The following PDE11A variants were observed in gnomAD, a reference collection of about 807,000 sequenced individuals.
PDE11A encodes the protein phosphodiesterase 11A.
Under a neutral mutation model 100.5 loss-of-function variants are expected in PDE11A, and 100 were observed. The ratio of observed to expected loss-of-function variants is 1.00; its 90% CI spans 0.85 to 1.18. The LOEUF (loss-of-function observed/expected upper bound fraction) is 1.18, where lower values mean the gene tolerates loss of function less well. Ranked by LOEUF, PDE11A falls within the 50% of genes most tolerant of loss-of-function variation. The pLI is 0.00. For synonymous variants in PDE11A, 381 were observed against 420.8 expected, an observed-to-expected ratio of 0.91 and a Z score of 1.16; for missense variants, 1,141 against 1,152.6, an observed-to-expected ratio of 0.99 and a Z score of 0.15.
chr2:177,887,666 A>G (rs536533628), intron 4 of PDE11A, among the ~76,000 whole-genome samples: 1 of 152,234 alleles, frequency 6.6e-6, no homozygotes, highest in East Asian at 1.9e-4. Context: ...AGGTGGGAGG[A>G]TCACTTGAGC....
At chr2:178,053,648 T>TAAGC (rs2086857664) in intron 1 of PDE11A, among the ~76,000 whole-genome samples, 1 of 151,818 alleles carries the variant, frequency 6.6e-6, no homozygotes, top group Non-Finnish European at 1.5e-5. Context: ...CTTAAGCTGA[T>TAAGC]AAGCAACTTC....
At chr2:177,958,689 A>C (rs1489385123) in intron 2 of PDE11A, among the ~76,000 whole-genome samples, 1 of 152,242 alleles carries the variant, frequency 6.6e-6, no homozygotes, top group Admixed American at 6.5e-5. Context: ...AGGAACGGAC[A>C]TAATTCCTTA....
At chr2:177,989,392 A>C (rs1177021482) in intron 2 of PDE11A, among the ~76,000 whole-genome samples, 1 of 152,228 alleles carries the variant, frequency 6.6e-6, no homozygotes, top group Non-Finnish European at 1.5e-5. Flanking sequence ...TCATACTCAG[A>C]GGCGAGCTAC....
At chr2:178,002,713 G>A (rs2086160253) in intron 2 of PDE11A, among the ~76,000 whole-genome samples, 1 of 152,082 alleles carries the variant, frequency 6.6e-6, no homozygotes, top group Non-Finnish European at 1.5e-5. Context: ...TAGACCAATG[G>A]TTGATTAATT....
At chr2:177,825,010 G>A (rs1193510559) in intron 6 of PDE11A, among the ~76,000 whole-genome samples, 1 of 152,126 alleles carries the variant, frequency 6.6e-6, no homozygotes, top group Non-Finnish European at 1.5e-5. Flanking sequence ...TTGTCCATAA[G>A]GGAAGAAGTT....
chr2:177,813,704 G>A (rs946034795), intron 9 of PDE11A, among the ~76,000 whole-genome samples: 25 of 152,052 alleles, frequency 1.6e-4, no homozygotes, highest in African/African-American at 5.8e-4. Context: ...AGCAAGACAT[G>A]TATTCCCATT....
intron 1 of PDE11A, among the ~76,000 whole-genome samples, chr2:178,030,331 T>A (rs1236760451): frequency 6.6e-6 from 1 of 152,026 alleles, no homozygotes; most frequent in Non-Finnish European, 1.5e-5. Context: ...AAAAAATCTT[T>A]CAAAAAACTA....
At chr2:177,968,973 G>A (rs1161481808) in intron 2 of PDE11A, among the ~76,000 whole-genome samples, 2 of 152,226 alleles carry the variant, frequency 1.3e-5, no homozygotes, top group African/African-American at 4.8e-5. Flanking sequence ...ACACATGTAT[G>A]TTTATTGCAA....
At chr2:177,692,965 C>T (rs1296060047) in intron 15 of PDE11A, among the ~76,000 whole-genome samples, 1 of 152,182 alleles carries the variant, frequency 6.6e-6, no homozygotes, top group African/African-American at 2.4e-5. Flanking sequence ...CAGGGCTCTA[C>T]CCTGCCCAGC....
chr2:177,877,181 T>G (rs1352994963), intron 4 of PDE11A, among the ~76,000 whole-genome samples: 1 of 146,438 alleles, frequency 6.8e-6, no homozygotes, highest in Non-Finnish European at 1.5e-5. Flanking sequence ...TTTTTTTTTT[T>G]TTGGACAGGT....
At chr2:177,739,658 A>G (rs1385749596) in intron 10 of PDE11A, among the ~76,000 whole-genome samples, 1 of 152,234 alleles carries the variant, frequency 6.6e-6, no homozygotes, top group East Asian at 1.9e-4. Flanking sequence ...GAAATGAAGC[A>G]TCTCTCTGCT....
chr2:178,028,017 GA>G lies in PDE11A; in HGVS notation c.913-13558del, dbSNP rs1374439861. On this transcript the variant is annotated intron_variant, in intron 1 of 19. Transcript: ENST00000286063. ...AGCCACAGCAGTGTGTTCCACCACT[GA>G]AAGCCCAGGTTAGAAAAAATCAGGC... Among the ~76,000 whole-genome samples, 3 of 152,182 alleles carry G rather than the reference GA, an allele frequency of 2.0e-5. No individual in the cohort carries two copies. In the East Asian group the frequency reaches 5.8e-4, roughly 29 times the overall value.
At chr2:177,888,929 T>C (rs2084484240) in intron 4 of PDE11A, among the ~76,000 whole-genome samples, 1 of 152,220 alleles carries the variant, frequency 6.6e-6, no homozygotes, top group African/African-American at 2.4e-5. Flanking sequence ...AAGGTTTACA[T>C]TTGTATCTAC....
At chr2:177,832,095 T>A (rs1047019360) in intron 6 of PDE11A, among the ~76,000 whole-genome samples, 1 of 152,156 alleles carries the variant, frequency 6.6e-6, no homozygotes, top group Non-Finnish European at 1.5e-5. Context: ...AAAATAATAA[T>A]TGGCCACAGC....
intron 9 of PDE11A, among the ~76,000 whole-genome samples, chr2:177,814,675 CAG>C (rs1430744948): frequency 6.6e-6 from 1 of 152,190 alleles, no homozygotes; most frequent in Non-Finnish European, 1.5e-5. Flanking sequence ...AGAGATTTGT[CAG>C]AGTCAGTAAT....
chr2:177,644,001 G>A (rs2080183608), intron 19 of PDE11A, among the ~76,000 whole-genome samples: 1 of 152,236 alleles, frequency 6.6e-6, no homozygotes, highest in African/African-American at 2.4e-5. Flanking sequence ...AGGATGTACG[G>A]AAATGCCTGT....
chr2:177,927,356 C>G (rs1357246762), intron 2 of PDE11A, among the ~76,000 whole-genome samples: 6 of 152,172 alleles, frequency 3.9e-5, no homozygotes, highest in African/African-American at 1.4e-4. Context: ...GCAAATACTT[C>G]CTAAATGTCC....
intron 1 of PDE11A, among the ~76,000 whole-genome samples, chr2:178,036,415 G>A (rs1252545688): frequency 6.6e-6 from 1 of 152,088 alleles, no homozygotes; most frequent in African/African-American, 2.4e-5. Flanking sequence ...CATGGATAGG[G>A]AGAATCAGAT....
chr2:177,656,218 C>G (rs562564969), intron 19 of PDE11A, among the ~76,000 whole-genome samples: 207 of 152,266 alleles, frequency 1.4e-3, no homozygotes, highest in Non-Finnish European at 2.2e-3. Context: ...AACCATGGCC[C>G]CATAAGATTA....
Sources: allele counts gnomAD v4.1 joint callset (sites outside exome capture counted in the v4.1 genomes callset), GRCh38; gene constraint gnomAD v4.1.1; transcripts MANE v1.5; gene names NCBI Gene and HGNC (gene_info 2026-07-23, HGNC 2026-07-21).